The following STK11IP variants were observed in gnomAD, a reference collection of about 807,000 sequenced individuals.
The protein encoded by STK11IP is serine/threonine-protein kinase 11-interacting protein.
STK11IP carries 103 observed loss-of-function variants against 131.7 expected under a neutral mutation model. That is an observed-to-expected ratio of 0.78 (90% CI 0.67 to 0.92). STK11IP has a LOEUF of 0.92. STK11IP is among the 40% of genes least tolerant of loss of function. The pLI, the probability that STK11IP is intolerant of heterozygous loss-of-function variation, is 0.00. For synonymous variants in STK11IP, 557 were observed against 575.6 expected, an observed-to-expected ratio of 0.97 and a Z score of 0.46; for missense variants, 1,315 against 1,385.7, an observed-to-expected ratio of 0.95 and a Z score of 0.81.
rs751764373 is a variant in STK11IP at position 219,608,324 on chromosome 2, G to C, written c.1497G>C (p.Glu499Asp). ...GGGCGGAGCCACAGGAGGAGGAAGAGGAGAAGGAGGGGAAGGAGGAGAAGG... is the reference window on the plus strand; with the variant it reads ...GGGCGGAGCCACAGGAGGAGGAAGACGAGAAGGAGGGGAAGGAGGAGAAGG... ...EVRAEPQEEE[E>D]EKEGKEEKEE... is the part of the protein sequence containing the mutation. Residue 499 changes from glutamate (E) to aspartate (D), a missense_variant, in exon 14 of 25, where the codon GAG becomes GAC. Physicochemically the swap from Glu to Asp is conservative, Grantham distance 45. Coordinates refer to ENST00000456909, the MANE Select transcript of STK11IP (RefSeq NM_052902.4). The C allele has an allele frequency of 1.2e-6, 2 of 1,601,698 alleles. No individual in the cohort carries two copies. Among genetic ancestry groups the C allele is most frequent in the Non-Finnish European group, 8.5e-7 (1 of 1,174,302 alleles).
chr2:219,609,154 C>A lies in STK11IP; in HGVS notation c.1867C>A (p.Pro623Thr), dbSNP rs754671416. ...ILSLRFSYIC[P>T]DRQLRRYLVL... The stretch of plus-strand genomic sequence containing the variant: ...CAGTCTGCGCTTCTCCTACATCTGC[C>A]CTGACCGGCAGTTGCGTCGCTATTT... The change falls in exon 16 of 25, where the codon CCT becomes ACT. Residue 623 changes from proline to threonine, a missense_variant. Physicochemically the swap from Pro to Thr is conservative, Grantham distance 38. Transcript: ENST00000456909. 36 of 1,610,702 alleles carry A rather than the reference C, an allele frequency of 2.2e-5. No homozygotes were observed. Among genetic ancestry groups the A allele is most frequent in the Non-Finnish European group, 3.0e-5 (35 of 1,178,700 alleles).
chr2:219,615,184 C>T lies in STK11IP; in HGVS notation c.2960C>T (p.Ser987Phe). ...EDAAGSPAEPSPPAASGEASE... is the reference protein window; with the variant it reads ...EDAAGSPAEPFPPAASGEASE... The stretch of plus-strand genomic sequence containing the variant: ...GCTGCAGGGTCCCCGGCAGAGCCCT[C>T]TCCTCCAGCAGCATCTGGCGAAGCC... The change falls in exon 24 of 25, where the codon TCT becomes TTT. Residue 987 changes from serine to phenylalanine, a missense_variant. Transcript: ENST00000456909. 1 of 1,599,608 alleles carries T rather than the reference C, an allele frequency of 6.3e-7. No individual in the cohort carries two copies. Among genetic ancestry groups the T allele is most frequent in the Non-Finnish European group, 8.5e-7 (1 of 1,175,742 alleles).
chr2:219,608,003 G>T (rs1187242419), intron 13 of STK11IP, 44 bp from the exon 14 acceptor site: 7 of 1,580,758 alleles, frequency 4.4e-6, no homozygotes, highest in African/African-American at 4.0e-5. Context: ...GGGGCCATCT[G>T]TGTGGGGCAG....
At position 219,609,155 on chromosome 2, in the gene STK11IP, C is replaced by A; in HGVS notation, c.1868C>A (p.Pro623His). The change falls in exon 16 of 25, where the codon CCT (proline) becomes CAT (histidine). Residue 623 changes from proline (P) to histidine (H), a missense_variant. Transcript: ENST00000456909. ...ILSLRFSYICPDRQLRRYLVL... is the reference protein window; with the variant it reads ...ILSLRFSYICHDRQLRRYLVL... ...AGTCTGCGCTTCTCCTACATCTGCC[C>A]TGACCGGCAGTTGCGTCGCTATTTG... 6.2e-7 allele frequency: 1 copy of A among 1,610,836 alleles called. No individual in the cohort carries two copies. Among genetic ancestry groups the A allele is most frequent in the South Asian group, 1.1e-5 (1 of 90,122 alleles).
In STK11IP at chr2:219,613,183, C is replaced by T; in HGVS notation, c.2495C>T (p.Ser832Phe). The T allele has an allele frequency of 1.2e-6, 2 of 1,605,052 alleles. No individual in the cohort carries two copies. The highest frequency in any genetic ancestry group is 1.7e-6 in the Non-Finnish European group (2 of 1,174,960). ...GAGTTCATGTGCCTTGTGGTTGTGT[C>T]TGACCGCAGGCTGTACCTGTTGAAG... ...TGEFMCLVVV[S>F]DRRLYLLKVT... The change falls in exon 20 of 25, where the codon TCT (serine) becomes TTT (phenylalanine). Residue 832 changes from serine to phenylalanine, a missense_variant. Transcript: ENST00000456909.
In STK11IP at chr2:219,601,291, C is replaced by T. The variant is rs373092696; in HGVS notation, c.118C>T (p.Gln40Ter). Residue 40 changes from glutamine (Q) to a stop codon, truncating the protein, a stop_gained, in exon 3 of 25, where the codon CAG becomes TAG. Transcript: ENST00000456909. LOFTEE classifies it high-confidence loss of function. ...GAGCCTGCTGACTCCCACACTGCAA[C>T]AGCTGAACCACGTATTTGAGCTGCA... ...TLSLLTPTLQQLNHVFELHLG... is the reference protein window; with the variant it reads ...TLSLLTPTLQ 11 of 1,613,964 alleles carry T rather than the reference C, an allele frequency of 6.8e-6. No homozygotes were observed. The highest frequency in any genetic ancestry group is 9.3e-6 in the Non-Finnish European group (11 of 1,179,916).
chr2:219,614,114 G>A, intron 21 of STK11IP, 47 bp from the exon 22 acceptor site: 1 of 1,603,484 alleles, frequency 6.2e-7, no homozygotes, highest in Non-Finnish European at 8.5e-7. Context: ...AGTTTAGGCT[G>A]GAGGAGAGCA....
intron 7 of STK11IP, among the ~76,000 whole-genome samples, chr2:219,604,419 C>T (rs1367746971): frequency 6.6e-6 from 1 of 152,158 alleles, no homozygotes; most frequent in East Asian, 1.9e-4. Flanking sequence ...AGAAGAGACA[C>T]TCCTCTTTCC....
At chr2:219,600,686 A>G (rs1697956847) in intron 2 of STK11IP, among the ~76,000 whole-genome samples, 1 of 152,240 alleles carries the variant, frequency 6.6e-6, no homozygotes, top group Non-Finnish European at 1.5e-5. Flanking sequence ...TTAGTGCTAT[A>G]ATGAATAGTT....
At chr2:219,609,659 G>A in intron 17 of STK11IP, 119 bp downstream of exon 17, 4 of 1,199,026 alleles carry the variant, frequency 3.3e-6, no homozygotes, top group Non-Finnish European at 4.8e-6. Context: ...GTGGAGAGCA[G>A]TTGTTCTGCC....
chr2:219,598,676 T>C (rs931421360), intron 2 of STK11IP, among the ~76,000 whole-genome samples: 11 of 152,328 alleles, frequency 7.2e-5, no homozygotes, highest in Middle Eastern at 3.4e-3. Context: ...TTAATTCATG[T>C]ATTTAGTACA....
intron 7 of STK11IP, among the ~76,000 whole-genome samples, chr2:219,603,534 T>G (rs1215979137): frequency 6.6e-6 from 1 of 151,620 alleles, no homozygotes; most frequent in Non-Finnish European, 1.5e-5. Flanking sequence ...TTTCTTTTTT[T>G]TTTTGAGGCA....
rs1205009886 is a variant in STK11IP, at chr2:219,602,725, T to A, written c.567T>A (p.Arg189=). 8 of 1,613,226 alleles carry A rather than the reference T, an allele frequency of 5.0e-6. No homozygotes were observed. The highest frequency in any genetic ancestry group is 1.3e-5 in the African/African-American group (1 of 75,022). ...DSSLRLLSAL[R]FLNLSHNQVQ... is the part of the protein sequence containing the mutation. ...CTCAGCGCCTCTTGTCAGCTCTGCG[T>A]TTCTTGAACCTAAGCCACAATCAAG... The change falls in exon 7 of 25, where the codon CGT becomes CGA. Residue 189 remains arginine (R), a synonymous_variant. Coordinates refer to ENST00000456909, the MANE Select transcript of STK11IP (RefSeq NM_052902.4).
intron 2 of STK11IP, among the ~76,000 whole-genome samples, chr2:219,600,014 G>A (rs1271513639): frequency 1.3e-5 from 2 of 148,210 alleles, no homozygotes; most frequent in Non-Finnish European, 3.0e-5. Context: ...GGGATTACAG[G>A]CGTGAGCCAC....
Position 219,602,578 on chromosome 2 carries a change from G to T in STK11IP, c.546+3G>T. On this transcript the variant is annotated splice_donor_region_variant and intron_variant, in intron 6 of 24. Transcript: ENST00000456909. Reference sequence around the variant, plus strand: ...TGACCGCCTTAGACAGCTCCCTGGTGAGTGCCTCAGAGGGAAGAGGGTTTC... The same window carrying T: ...TGACCGCCTTAGACAGCTCCCTGGTTAGTGCCTCAGAGGGAAGAGGGTTTC... The T allele has an allele frequency of 6.2e-7, 1 of 1,613,600 alleles. No homozygotes were observed. The highest frequency in any genetic ancestry group is 8.5e-7 in the Non-Finnish European group (1 of 1,179,528).
chr2:219,610,770 G>A (rs1698371019), intron 17 of STK11IP, among the ~76,000 whole-genome samples: 1 of 152,158 alleles, frequency 6.6e-6, no homozygotes, highest in East Asian at 1.9e-4. Flanking sequence ...ACCCCATGGT[G>A]CTGTTACGCT....
At chr2:219,600,041 G>GTTTTTTT (rs1203746448) in intron 2 of STK11IP, among the ~76,000 whole-genome samples, 1 of 91,928 alleles carries the variant, frequency 1.1e-5, no homozygotes, top group African/African-American at 4.1e-5. Flanking sequence ...TGCCCTTTGT[G>GTTTTTTT]TTTTTTTTTT....
chr2:219,613,574 GGTGA>G (rs1332888525), intron 20 of STK11IP, among the ~76,000 whole-genome samples, 174 bp from the exon 21 acceptor site: 1 of 119,804 alleles, frequency 8.3e-6, no homozygotes, highest in African/African-American at 3.2e-5. Flanking sequence ...GGGGAGATGG[GGTGA>G]GTGAGGGGGA....
chr2:219,604,860 G>A (rs1453941588), intron 7 of STK11IP, among the ~76,000 whole-genome samples: 1 of 150,844 alleles, frequency 6.6e-6, no homozygotes, highest in Non-Finnish European at 1.5e-5. Context: ...ACAGAGTTTC[G>A]CTCTTGTTGC....
Sources: gnomAD v4.1 joint callset for allele counts (sites outside exome capture counted in the v4.1 genomes callset) on GRCh38, gnomAD v4.1.1 for gene constraint, MANE v1.5 for transcripts, NCBI Gene and HGNC (gene_info 2026-07-23, HGNC 2026-07-21) for gene names.